Variants in SLC71A1 observed in about 807,000 individuals in gnomAD.
The protein encoded by SLC71A1 is hippocampus abundant gene transcript 1.
chr1:100,043,131 T>A, the SLC71A1 span: 1 of 984,438 alleles, frequency 1.0e-6, no homozygotes, highest in Non-Finnish European at 1.2e-6. Flanking sequence ...ACCAACATAA[T>A]CAGACCGTCT....
the SLC71A1 span, among the ~76,000 whole-genome samples, chr1:100,063,801 A>C: frequency 6.6e-6 from 1 of 152,090 alleles, no homozygotes; most frequent in Non-Finnish European, 1.5e-5. Context: ...TCTCCAAAAA[A>C]GGGGGTTGGG....
At chr1:100,058,509 A>T in the SLC71A1 span, among the ~76,000 whole-genome samples, 1 of 152,204 alleles carries the variant, frequency 6.6e-6, no homozygotes, top group Admixed American at 6.5e-5. Flanking sequence ...TACCATATAA[A>T]TATTTGGTTA....
chr1:100,046,249 CAG>C, the SLC71A1 span, among the ~76,000 whole-genome samples: 3 of 75,214 alleles, frequency 4.0e-5, no homozygotes, highest in Non-Finnish European at 5.0e-5. Context: ...TTTTTTGAGA[CAG>C]AGTCTAGCTC....
chr1:100,066,526 C>A, the SLC71A1 span, among the ~76,000 whole-genome samples: 2 of 152,026 alleles, frequency 1.3e-5, no homozygotes, highest in South Asian at 4.1e-4. Flanking sequence ...TTAAGCTCAT[C>A]AGCTATTGTT....
At chr1:100,057,825 C>T in the SLC71A1 span, among the ~76,000 whole-genome samples, 1 of 152,208 alleles carries the variant, frequency 6.6e-6, no homozygotes, top group African/African-American at 2.4e-5. Context: ...AAGACCTTCC[C>T]TACCTTCCTT....
chr1:100,038,429 C>T, the SLC71A1 span: 449 of 860,584 alleles, frequency 5.2e-4, 3 homozygotes, highest in African/African-American at 5.7e-3. Context: ...CTTCCCCCAC[C>T]CTGTCCGAGC....
chr1:100,048,440 A>G, the SLC71A1 span, among the ~76,000 whole-genome samples: 2 of 152,108 alleles, frequency 1.3e-5, no homozygotes, highest in Admixed American at 6.6e-5. Context: ...TTGGCCTCCC[A>G]AAGTGCTGAG....
the SLC71A1 span, among the ~76,000 whole-genome samples, chr1:100,063,077 T>C: frequency 1.3e-5 from 2 of 152,186 alleles, no homozygotes; most frequent in African/African-American, 4.8e-5. Flanking sequence ...TTTATGAGTA[T>C]AGTTCAGTGA....
At chr1:100,058,933 A>G in the SLC71A1 span, among the ~76,000 whole-genome samples, 3 of 152,108 alleles carry the variant, frequency 2.0e-5, no homozygotes, top group African/African-American at 7.2e-5. Context: ...TGATCTAACT[A>G]CAATATAGCC....
the SLC71A1 span, among the ~76,000 whole-genome samples, chr1:100,058,899 C>T: frequency 4.3e-4 from 66 of 152,088 alleles, 1 homozygote; most frequent in East Asian, 8.9e-3. Context: ...TAACTTAATA[C>T]TTTCTAGACT....
At chr1:100,065,768 TCTC>T in the SLC71A1 span, among the ~76,000 whole-genome samples, 1 of 150,910 alleles carries the variant, frequency 6.6e-6, no homozygotes, top group African/African-American at 2.4e-5. Flanking sequence ...CCTTTTCCTT[TCTC>T]CTCCTCTCCT....
chr1:100,046,796 ACTT>A, the SLC71A1 span, among the ~76,000 whole-genome samples: 1 of 151,994 alleles, frequency 6.6e-6, no homozygotes, highest in African/African-American at 2.4e-5. Flanking sequence ...GACATCTTTC[ACTT>A]CTTTAAGTTT....
chr1:100,076,969 G>T, the SLC71A1 span, among the ~76,000 whole-genome samples: 1 of 152,272 alleles, frequency 6.6e-6, no homozygotes, highest in African/African-American at 2.4e-5. Context: ...CTAACTCTCA[G>T]TCTGGATCTA....
chr1:100,042,799 C>T, the SLC71A1 span, among the ~76,000 whole-genome samples: 3 of 151,846 alleles, frequency 2.0e-5, no homozygotes, highest in South Asian at 2.1e-4. Context: ...TAGTAGAGAC[C>T]GGATTTTACC....
chr1:100,052,424 C>CTTTTTT, the SLC71A1 span, among the ~76,000 whole-genome samples: 4 of 119,640 alleles, frequency 3.3e-5, no homozygotes, highest in Non-Finnish European at 5.0e-5. Context: ...TAATATATTC[C>CTTTTTT]TTTTTTTTTT....
the SLC71A1 span, among the ~76,000 whole-genome samples, chr1:100,059,602 A>G: frequency 6.6e-6 from 1 of 151,794 alleles, no homozygotes; most frequent in Non-Finnish European, 1.5e-5. Flanking sequence ...CAAACAGGTA[A>G]TTAGCATATG....
the SLC71A1 span, among the ~76,000 whole-genome samples, chr1:100,044,186 C>T: frequency 2.0e-5 from 3 of 152,154 alleles, no homozygotes; most frequent in Non-Finnish European, 4.4e-5. Context: ...TCAAAGTGTT[C>T]ATTTGTCACC....
chr1:100,074,912 T>A, the SLC71A1 span, among the ~76,000 whole-genome samples: 4 of 152,058 alleles, frequency 2.6e-5, no homozygotes, highest in Non-Finnish European at 5.9e-5. Flanking sequence ...GAAAATATAT[T>A]CTCCAGTTAA....
At chr1:100,057,885 A>C in the SLC71A1 span, 1 of 152,232 alleles carries the variant, frequency 6.6e-6, no homozygotes, top group African/African-American at 2.4e-5. Context: ...ATAGCATTGG[A>C]TAATAGAAGC....
Sources: gnomAD v4.1 joint callset for allele counts (sites outside exome capture counted in the v4.1 genomes callset) on GRCh38, gnomAD v4.1.1 for gene constraint, MANE v1.5 for transcripts, NCBI Gene and HGNC (gene_info 2026-07-23, HGNC 2026-07-21) for gene names.